Variants in GOLGA7 observed in about 807,000 individuals in gnomAD.
GOLGA7 encodes golgin subfamily A member 7.
In GOLGA7, 10 loss-of-function variants were observed where a neutral mutation model predicts 21.1. The ratio of observed to expected loss-of-function variants is 0.47; its 90% CI spans 0.29 to 0.80. The LOEUF (loss-of-function observed/expected upper bound fraction) is 0.80, where lower values mean the gene tolerates loss of function less well. Ranked by LOEUF, GOLGA7 falls within the 30% of genes least tolerant of loss-of-function variation. The probability of loss-of-function intolerance (pLI) is 0.08; values close to 1 mark genes in which losing one functional copy is unlikely to be tolerated. For synonymous variants in GOLGA7, 64 were observed against 62.6 expected (o/e 1.02, Z -0.10); for missense variants, 114 against 166.8 (o/e 0.68, Z 1.74).
At chr8:41,507,007 C>T (rs1198317751) in intron 3 of GOLGA7, 52 bp from the exon 4 acceptor site, 2 of 861,586 alleles carry the variant, frequency 2.3e-6, no homozygotes, top group African/African-American at 3.3e-5. Flanking sequence ...GCCAAGTCCC[C>T]CTTTGTGTGT....
At chr8:41,490,993 T>C in intron 1 of GOLGA7, 28 bp downstream of exon 1, 1 of 1,254,840 alleles carries the variant, frequency 8.0e-7, no homozygotes, top group Non-Finnish European at 1.1e-6. Flanking sequence ...CCACGCCTGC[T>C]CTGGCGAGGG....
chr8:41,505,830 C>A, intron 2 of GOLGA7, 81 bp from the exon 3 acceptor site: 1 of 677,720 alleles, frequency 1.5e-6, no homozygotes, highest in Non-Finnish European at 2.6e-6. Flanking sequence ...CGAATTCCCA[C>A]TGCCTATTTT....
In GOLGA7 at chr8:41,506,406, T is replaced by C. The variant is rs116055869; in HGVS notation, c.366+394T>C. On this transcript the variant is annotated intron_variant, in intron 3 of 4. Coordinates refer to ENST00000357743, the MANE Select transcript of GOLGA7 (RefSeq NM_001002296.2). ...TCCAAATGAATTGCAGTTTCATGGG[T>C]TTATCTGACTAGTTGAAATCAGTTA... Among the ~76,000 whole-genome samples the C allele has an allele frequency of 5.1e-3, 772 of 152,286 alleles. 9 individuals are homozygous for C. Among genetic ancestry groups the C allele is most frequent in the African/African-American group, 0.017 (703 of 41,568 alleles).
intron 1 of GOLGA7, among the ~76,000 whole-genome samples, chr8:41,496,106 T>C (rs1806005804): frequency 1.3e-5 from 2 of 152,180 alleles, no homozygotes; most frequent in Non-Finnish European, 1.5e-5. Flanking sequence ...ATCCACCTTA[T>C]ACATATAACC....
intron 2 of GOLGA7, among the ~76,000 whole-genome samples, chr8:41,504,457 G>A (rs1806233559): frequency 6.6e-6 from 1 of 152,112 alleles, no homozygotes; most frequent in Admixed American, 6.5e-5. Flanking sequence ...TAGGATGATT[G>A]ACAAACTCTG....
rs1310495964 is a variant in GOLGA7 at position 41,503,856 on chromosome 8, A to T, written c.265-2055A>T. On this transcript the variant is annotated intron_variant, in intron 2 of 4. Transcript: ENST00000357743. ...TGAAGTCAGGTAGTGTGATGCCTCC[A>T]GCTTTGTTCTTTTGGCTTAGGATTG... is the stretch of plus-strand genomic sequence containing the variant. Among the ~76,000 whole-genome samples, 6 of 150,950 alleles carry T rather than the reference A, an allele frequency of 4.0e-5. No individual in the cohort carries two copies. In the East Asian group the frequency reaches 7.8e-4, roughly 20 times the overall value.
chr8:41,507,564 A>T (rs182680300), intron 4 of GOLGA7, among the ~76,000 whole-genome samples: 399 of 152,318 alleles, frequency 2.6e-3, no homozygotes, highest in Non-Finnish European at 4.8e-3. Flanking sequence ...TATTTCATTT[A>T]TTATGTTTAA....
rs1391996941 is a variant in GOLGA7 at position 41,490,599 on chromosome 8, T to C, written c.-256T>C. 10 of 482,568 alleles carry C rather than the reference T, an allele frequency of 2.1e-5. No individual in the cohort carries two copies. The highest frequency in any genetic ancestry group is 1.4e-4 in the South Asian group (5 of 35,482). 29.9% of individuals were successfully genotyped at this position (482,568 alleles called of 1,614,324 possible). A position where few individuals can be genotyped will look rare whatever the true frequency, so the allele number is the denominator to read the frequency against. ...ACGGCGAAGGCGGTGCGACAGCAGC[T>C]GGAGGGCAGAGGAGGCGGGTTTGTG... On this transcript the variant is annotated 5_prime_UTR_variant, in exon 1 of 5. Transcript: ENST00000357743.
At position 41,506,028 on chromosome 8, in the gene GOLGA7, G is replaced by A. The variant is rs768935499; in HGVS notation, c.366+16G>A. ...ACTGCGAGTTGTATCTTTTTAGTTCGGATCAGAAAGTCTAAATATTTATAA... is the reference window on the plus strand; with the variant it reads ...ACTGCGAGTTGTATCTTTTTAGTTCAGATCAGAAAGTCTAAATATTTATAA... On this transcript the variant is annotated intron_variant, in intron 3 of 4. Coordinates refer to ENST00000357743, the MANE Select transcript of GOLGA7 (RefSeq NM_001002296.2). 3.8e-5 allele frequency: 46 copies of A among 1,215,636 alleles called. No homozygotes were observed. Among genetic ancestry groups the A allele is most frequent in the East Asian group, 4.8e-5 (2 of 41,894 alleles). The allele number at this position is 1,215,636 out of a possible 1,614,324, so 75.3% of individuals were successfully genotyped here.
At chr8:41,505,632 A>G (rs1440099285) in intron 2 of GOLGA7, among the ~76,000 whole-genome samples, 1 of 152,154 alleles carries the variant, frequency 6.6e-6, no homozygotes, top group Non-Finnish European at 1.5e-5. Flanking sequence ...GGTGACTGAG[A>G]AGTAGGGAGG....
chr8:41,496,699 A>G (rs1307925174), intron 1 of GOLGA7, among the ~76,000 whole-genome samples: 2 of 150,538 alleles, frequency 1.3e-5, no homozygotes, highest in South Asian at 2.1e-4. Flanking sequence ...TAGTTACTCA[A>G]TTTAAGATTA....
chr8:41,494,843 C>T lies in GOLGA7; in HGVS notation c.112-2666C>T, dbSNP rs546426242. Among the ~76,000 whole-genome samples the T allele has an allele frequency of 8.5e-5, 13 of 152,256 alleles. No homozygotes were observed. In the South Asian group the frequency reaches 1.7e-3, roughly 19 times the overall value. On this transcript the variant is annotated intron_variant, in intron 1 of 4. Transcript: ENST00000357743. Reference sequence around the variant, plus strand: ...TTGACTCCTCACATTTTCCACACAACGGACAAAACAATGACTACAACTGCT... The same window carrying T: ...TTGACTCCTCACATTTTCCACACAATGGACAAAACAATGACTACAACTGCT...
At chr8:41,501,886 C>T (rs1024754833) in intron 2 of GOLGA7, among the ~76,000 whole-genome samples, 4 of 152,076 alleles carry the variant, frequency 2.6e-5, no homozygotes, top group Non-Finnish European at 5.9e-5. Flanking sequence ...TCCTAAATAC[C>T]AGAAATACAA....
intron 2 of GOLGA7, among the ~76,000 whole-genome samples, chr8:41,499,132 C>A (rs141031587): frequency 2.0e-5 from 3 of 152,246 alleles, no homozygotes; most frequent in Non-Finnish European, 2.9e-5. Flanking sequence ...GTTCTCTTGT[C>A]CCCCTCGCAG....
At chr8:41,503,008 G>C (rs1806186175) in intron 2 of GOLGA7, among the ~76,000 whole-genome samples, 1 of 152,086 alleles carries the variant, frequency 6.6e-6, no homozygotes, top group African/African-American at 2.4e-5. Flanking sequence ...TGCTATTAAA[G>C]AGACTTTAAG....
chr8:41,491,988 C>T (rs1805895670), intron 1 of GOLGA7, among the ~76,000 whole-genome samples: 1 of 152,078 alleles, frequency 6.6e-6, no homozygotes, highest in South Asian at 2.1e-4. Context: ...AAATGTGTAG[C>T]AGTTATTTAC....
chr8:41,491,351 C>T (rs1250157498), intron 1 of GOLGA7, among the ~76,000 whole-genome samples: 2 of 152,202 alleles, frequency 1.3e-5, no homozygotes, highest in African/African-American at 4.8e-5. Context: ...CCTCCTACCT[C>T]TCCGCGCAAG....
At chr8:41,507,228 A>C in intron 4 of GOLGA7, 107 bp downstream of exon 4, 1 of 690,000 alleles carries the variant, frequency 1.4e-6, no homozygotes, top group Non-Finnish European at 2.7e-6. Context: ...CAGTTAAATA[A>C]CAGTATATTT....
chr8:41,507,233 A>T, intron 4 of GOLGA7, 112 bp downstream of exon 4: 1 of 668,998 alleles, frequency 1.5e-6, no homozygotes. Context: ...AAATAACAGT[A>T]TATTTGCTGT....
Sources: gnomAD v4.1 joint callset for allele counts (sites outside exome capture counted in the v4.1 genomes callset) on GRCh38, gnomAD v4.1.1 for gene constraint, MANE v1.5 for transcripts, NCBI Gene and HGNC (gene_info 2026-07-23, HGNC 2026-07-21) for gene names.